The following ITPK1 variants were observed in gnomAD, a reference collection of about 807,000 sequenced individuals.
ITPK1 encodes the protein inositol-tetrakisphosphate 1-kinase.
A neutral mutation model predicts 45.3 loss-of-function variants in ITPK1; 21 were observed. The observed-to-expected ratio is 0.46, with a 90% CI of 0.33 to 0.67. The LOEUF (loss-of-function observed/expected upper bound fraction) is 0.67. Ranked by LOEUF, ITPK1 falls within the 30% of genes least tolerant of loss-of-function variation. The pLI is 0.02. For missense variants in ITPK1, 474 were observed against 573.5 expected (o/e 0.83, Z 1.77); for synonymous variants, 258 against 253.6 (o/e 1.02, Z -0.16).
intron 8 of ITPK1, among the ~76,000 whole-genome samples, chr14:92,954,125 C>T (rs1378722138): frequency 6.6e-6 from 1 of 152,168 alleles, no homozygotes; most frequent in Non-Finnish European, 1.5e-5. Flanking sequence ...GAACTCCTGA[C>T]CTCAGGTGAT....
At chr14:93,006,065 G>A (rs1273017763) in intron 4 of ITPK1, among the ~76,000 whole-genome samples, 1 of 152,188 alleles carries the variant, frequency 6.6e-6, no homozygotes, top group Non-Finnish European at 1.5e-5. Context: ...GAAGCGGCTG[G>A]CTGAGCAGCA....
Position 93,016,767 on chromosome 14 carries a change from G to T in ITPK1, c.155C>A (p.Pro52His), listed in dbSNP as rs374634789. The T allele has an allele frequency of 1.1e-5, 17 of 1,613,990 alleles. No individual in the cohort carries two copies. Among genetic ancestry groups the T allele is most frequent in the Non-Finnish European group, 1.3e-5 (15 of 1,179,992 alleles). ...CAGCTTGTGGATGATGACGTCCAGG[G>T]GGCCCTGCTCCTCGATCGGCCGGCT... ...NLSRPIEEQG[P>H]LDVIIHKLTD... Residue 52 changes from proline to histidine, a missense_variant, in exon 4 of 11, where the codon CCC (proline) becomes CAC (histidine). Transcript: ENST00000267615. The surrounding 1 kb of genome is among the most constrained non-coding windows in gnomAD (Gnocchi z 5.0).
At position 93,063,891 on chromosome 14, in the gene ITPK1, C is replaced by A. The variant is rs78436183; in HGVS notation, c.120+12704G>T. 3.9e-3 allele frequency among the ~76,000 whole-genome samples: 593 copies of A among 152,258 alleles called. 8 individuals carry two copies. The highest frequency in any genetic ancestry group is 0.014 in the African/African-American group (574 of 41,530). On this transcript the variant is annotated intron_variant, in intron 3 of 10. Transcript: ENST00000267615. The surrounding 1 kb of genome is among the most constrained non-coding windows in gnomAD (Gnocchi z 4.3). Reference sequence around the variant, plus strand: ...GCTGCTCATAGAAGCCCAGCCCAGACGCCAAACGCACTTTGGAATTTTTAC... The same window carrying A: ...GCTGCTCATAGAAGCCCAGCCCAGAAGCCAAACGCACTTTGGAATTTTTAC...
intron 3 of ITPK1, among the ~76,000 whole-genome samples, chr14:93,031,903 TAAC>T (rs917072647): frequency 1.4e-4 from 22 of 152,218 alleles, no homozygotes; most frequent in Non-Finnish European, 2.4e-4. Flanking sequence ...GCATCCTTTT[TAAC>T]AATAAGGAGG....
intron 5 of ITPK1, among the ~76,000 whole-genome samples, chr14:92,985,591 T>C (rs1566716318): frequency 1.3e-5 from 2 of 151,872 alleles, no homozygotes; most frequent in African/African-American, 4.8e-5. Flanking sequence ...AAGACACTCT[T>C]GTTTGGGGAA....
intron 2 of ITPK1, among the ~76,000 whole-genome samples, chr14:93,091,968 G>A (rs1349379882): frequency 2.0e-5 from 3 of 152,190 alleles, no homozygotes; most frequent in Admixed American, 2.0e-4. Context: ...TTTGAGCCTT[G>A]ATTTTAAAGC....
intron 3 of ITPK1, among the ~76,000 whole-genome samples, chr14:93,018,045 C>T (rs1002529475): frequency 6.6e-6 from 1 of 152,178 alleles, no homozygotes; most frequent in Admixed American, 6.5e-5. Flanking sequence ...CCTGCAACCC[C>T]GCTCCCCACG....
intron 5 of ITPK1, among the ~76,000 whole-genome samples, chr14:92,985,274 A>T (rs1478818003): frequency 6.6e-6 from 1 of 152,132 alleles, no homozygotes; most frequent in African/African-American, 2.4e-5. Context: ...AATGGGTATT[A>T]GTGGGACAAC....
intron 3 of ITPK1, among the ~76,000 whole-genome samples, chr14:93,028,120 C>T (rs1888838381): frequency 1.3e-5 from 2 of 152,252 alleles, no homozygotes; most frequent in South Asian, 4.1e-4. Flanking sequence ...ACAGGAGCCA[C>T]AGGACGCGTC....
intron 2 of ITPK1, among the ~76,000 whole-genome samples, chr14:93,096,004 T>A (rs554535383): frequency 6.6e-6 from 1 of 152,148 alleles, no homozygotes; most frequent in East Asian, 1.9e-4. Context: ...GCCTTCTACC[T>A]CCTGTAAAAT....
At chr14:92,951,903 G>C (rs1340799692) in intron 9 of ITPK1, 43 bp downstream of exon 9, 2 of 1,480,756 alleles carry the variant, frequency 1.4e-6, no homozygotes, top group African/African-American at 2.8e-5. Flanking sequence ...TAGGCCCACG[G>C]GAGGGCAGTT....
chr14:93,107,004 C>G (rs1311041810), intron 2 of ITPK1, among the ~76,000 whole-genome samples: 1 of 152,048 alleles, frequency 6.6e-6, no homozygotes, highest in Admixed American at 6.5e-5. Flanking sequence ...GTCACCCAGG[C>G]TGGAGTGCAA....
In ITPK1 at chr14:92,940,267, C is replaced by A. The variant is rs1887293056; in HGVS notation, c.*1294G>T. The A allele has an allele frequency of 1.0e-6, 1 of 987,742 alleles. No homozygotes were observed. Among genetic ancestry groups the A allele is most frequent in the Non-Finnish European group, 1.2e-6 (1 of 831,420 alleles). The allele number at this position is 987,742 out of a possible 1,614,324, so 61.2% of individuals were successfully genotyped here. ...CAAAGTAAACTGCTATCTTAAGACACAAAAACATACTTGTGGGGGCTGATG... is the reference window on the plus strand; with the variant it reads ...CAAAGTAAACTGCTATCTTAAGACAAAAAAACATACTTGTGGGGGCTGATG... On this transcript the variant is annotated 3_prime_UTR_variant, in exon 11 of 11. Transcript: ENST00000267615.
At position 92,940,899 on chromosome 14, in the gene ITPK1, G is replaced by GT. The variant is rs1191944996; in HGVS notation, c.*661_*662insA. On this transcript the variant is annotated 3_prime_UTR_variant, in exon 11 of 11. Coordinates refer to ENST00000267615, the MANE Select transcript of ITPK1 (RefSeq NM_014216.6). ...GGCTAAATGGGACGTGTGTTGGGGG[G>GT]CCCAGAGGACGCCCAGCTTCCTTTC... The GT allele has an allele frequency of 2.3e-6, 3 of 1,288,242 alleles. No individual in the cohort carries two copies. The African/African-American group carries it at 4.6e-5, about 20-fold the overall frequency. 79.8% of individuals were successfully genotyped at this position (1,288,242 alleles called of 1,614,324 possible).
At chr14:93,055,137 T>C (rs987393769) in intron 3 of ITPK1, among the ~76,000 whole-genome samples, 1 of 152,196 alleles carries the variant, frequency 6.6e-6, no homozygotes, top group Non-Finnish European at 1.5e-5. Context: ...CCATGGTTCA[T>C]TCTCACTGCT....
At chr14:93,017,088 A>G (rs1344485136) in intron 3 of ITPK1, among the ~76,000 whole-genome samples, 3 of 152,196 alleles carry the variant, frequency 2.0e-5, no homozygotes, top group Non-Finnish European at 4.4e-5. Context: ...CAGAAGACAC[A>G]TAAGAGGAAT....
intron 2 of ITPK1, among the ~76,000 whole-genome samples, chr14:93,083,636 C>T (rs1359362290): frequency 6.6e-6 from 1 of 152,146 alleles, no homozygotes; most frequent in Non-Finnish European, 1.5e-5. Flanking sequence ...GTCCCCTTTC[C>T]CTGCCTGCAG....
intron 5 of ITPK1, among the ~76,000 whole-genome samples, chr14:92,988,259 G>A (rs966002384): frequency 6.6e-6 from 1 of 152,162 alleles, no homozygotes; most frequent in Admixed American, 6.5e-5. Flanking sequence ...GGCTGACACT[G>A]GGGGAGGCAT....
chr14:93,087,759 G>A (rs1285695435), intron 2 of ITPK1, among the ~76,000 whole-genome samples: 1 of 152,244 alleles, frequency 6.6e-6, no homozygotes, highest in Non-Finnish European at 1.5e-5. Flanking sequence ...GGACCTGTCA[G>A]GAGTTTGTAG....
Sources: gnomAD v4.1 joint callset for allele counts (sites outside exome capture counted in the v4.1 genomes callset) on GRCh38, gnomAD v4.1.1 for gene constraint, Gnocchi (gnomAD v3.1) non-coding constraint, MANE v1.5 for transcripts, NCBI Gene and HGNC (gene_info 2026-07-23, HGNC 2026-07-21) for gene names.